The following FBN2 variants were observed in gnomAD, a reference collection of about 807,000 sequenced individuals.
FBN2 encodes fibrillin 2.
In FBN2, 105 loss-of-function variants were observed where a neutral mutation model predicts 355.6. The ratio of observed to expected loss-of-function variants is 0.30; its 90% CI spans 0.25 to 0.35. The LOEUF is 0.35. FBN2 is among the 10% of genes least tolerant of loss of function. The probability of loss-of-function intolerance (pLI) is 1.00; values close to 1 mark genes in which losing one functional copy is unlikely to be tolerated. For missense variants in FBN2, 3,280 were observed against 3,758.7 expected (o/e 0.87, Z 3.33); for synonymous variants, 1,350 against 1,301.2 (o/e 1.04, Z -0.81).
chr5:128,296,981 G>C (rs1287991649), intron 48 of FBN2, among the ~76,000 whole-genome samples: 1 of 152,136 alleles, frequency 6.6e-6, no homozygotes. Flanking sequence ...ATTTAGTGCT[G>C]TAAATTTCCC....
At chr5:128,272,251 T>G (rs1765286316) in intron 61 of FBN2, 133 bp from the exon 62 acceptor site, 1 of 1,027,686 alleles carries the variant, frequency 9.7e-7, no homozygotes, top group Non-Finnish European at 1.5e-6. Context: ...ATAGAGAGGC[T>G]GTCATTTTTC....
At chr5:128,369,137 A>T (rs1561422024) in intron 16 of FBN2, 45 bp downstream of exon 16, 1 of 1,600,692 alleles carries the variant, frequency 6.2e-7, no homozygotes, top group Admixed American at 1.7e-5. Flanking sequence ...CTAAGGTTGT[A>T]TTTCTTGATT....
intron 7 of FBN2, among the ~76,000 whole-genome samples, chr5:128,445,299 T>C (rs530812177): frequency 2.0e-5 from 3 of 152,262 alleles, no homozygotes; most frequent in African/African-American, 7.2e-5. Flanking sequence ...ATAAAATGTA[T>C]ATAACTATAA....
Position 128,527,910 on chromosome 5 carries a change from T to C in FBN2, c.494A>G (p.Gln165Arg), listed in dbSNP as rs975087237. The change falls in exon 4 of 65, where the codon CAG becomes CGG. Residue 165 changes from glutamine to arginine, a missense_variant. By Grantham distance (43) the Gln-to-Arg change is conservative. Coordinates refer to ENST00000262464, the MANE Select transcript of FBN2 (RefSeq NM_001999.4). ...AGTTCCAATATATCCTTTCTGGCAC[T>C]GGCAGTGGTCATCTGCACAGGTCCC... ...NGGTCADDHCQCQKGYIGTYC... is the reference protein window; with the variant it reads ...NGGTCADDHCRCQKGYIGTYC... 1.2e-6 allele frequency: 2 copies of C among 1,612,594 alleles called. No homozygotes were observed. The highest frequency in any genetic ancestry group is 1.7e-6 in the Non-Finnish European group (2 of 1,178,900).
At chr5:128,351,118 C>G in intron 20 of FBN2, 113 bp from the exon 21 acceptor site, 14 of 1,280,820 alleles carry the variant, frequency 1.1e-5, no homozygotes, top group Non-Finnish European at 1.2e-5. Flanking sequence ...ATTACTGGCT[C>G]ACGCCTGTAA....
chr5:128,293,979 C>T (rs1450770437), intron 48 of FBN2, among the ~76,000 whole-genome samples: 1 of 151,252 alleles, frequency 6.6e-6, no homozygotes, highest in Non-Finnish European at 1.5e-5. Flanking sequence ...CAATGCTATC[C>T]CTCCCTCCTC....
At chr5:128,456,022 A>AAAAAAT (rs1362762303) in intron 6 of FBN2, among the ~76,000 whole-genome samples, 1 of 147,946 alleles carries the variant, frequency 6.8e-6, no homozygotes, top group African/African-American at 2.5e-5. Flanking sequence ...AAAAAAAAAA[A>AAAAAAT]AGCAACTGCT....
At chr5:128,316,413 T>C (rs909517420) in intron 36 of FBN2, among the ~76,000 whole-genome samples, 3 of 152,234 alleles carry the variant, frequency 2.0e-5, no homozygotes, top group South Asian at 2.1e-4. Flanking sequence ...AAGGTTCCAA[T>C]AGATTCCTAT....
intron 8 of FBN2, among the ~76,000 whole-genome samples, chr5:128,399,570 A>G (rs1228234542): frequency 6.6e-6 from 1 of 152,196 alleles, no homozygotes; most frequent in Non-Finnish European, 1.5e-5. Flanking sequence ...AGAAATGATG[A>G]GCAAAAAATA....
At chr5:128,487,577 C>G (rs993758864) in intron 5 of FBN2, among the ~76,000 whole-genome samples, 2 of 152,078 alleles carry the variant, frequency 1.3e-5, no homozygotes, top group Admixed American at 6.6e-5. Context: ...ACCGTAAGTA[C>G]ATATAGAAAG....
chr5:128,441,247 C>T (rs1753911366), intron 7 of FBN2, among the ~76,000 whole-genome samples: 1 of 152,134 alleles, frequency 6.6e-6, no homozygotes, highest in South Asian at 2.1e-4. Context: ...CAGGGTACTA[C>T]CACAAAATGC....
intron 5 of FBN2, among the ~76,000 whole-genome samples, chr5:128,479,994 A>C (rs1301892240): frequency 0.071 from 2,772 of 39,154 alleles, 24 homozygotes; most frequent in Non-Finnish European, 0.084. Context: ...ATATATATAT[A>C]TATATATATA....
intron 38 of FBN2, 25 bp from the exon 39 acceptor site, chr5:128,311,450 TAAAAC>T (rs991597691): frequency 1.9e-6 from 3 of 1,612,180 alleles, no homozygotes; most frequent in African/African-American, 2.7e-5. Context: ...ACAGTGCACT[TAAAAC>T]AAACACCTTC....
intron 36 of FBN2, among the ~76,000 whole-genome samples, chr5:128,317,623 T>C (rs1561767523): frequency 6.6e-6 from 1 of 152,098 alleles, no homozygotes; most frequent in Non-Finnish European, 1.5e-5. Context: ...TAGTAAAAGC[T>C]GGACAATTGT....
At chr5:128,327,867 A>G (rs1750597504) in intron 34 of FBN2, among the ~76,000 whole-genome samples, 2 of 152,222 alleles carry the variant, frequency 1.3e-5, no homozygotes, top group South Asian at 4.1e-4. Flanking sequence ...TGAACTCCCA[A>G]CCTCAGGTGA....
intron 19 of FBN2, among the ~76,000 whole-genome samples, chr5:128,358,221 G>T (rs1751552922): frequency 6.6e-6 from 1 of 151,742 alleles, no homozygotes; most frequent in African/African-American, 2.4e-5. Context: ...ACAAGCTTCA[G>T]GTAAAGTACT....
intron 8 of FBN2, among the ~76,000 whole-genome samples, chr5:128,399,440 G>C (rs1752738201): frequency 6.6e-6 from 1 of 152,086 alleles, no homozygotes; most frequent in Admixed American, 6.5e-5. Context: ...GCAAATTAAG[G>C]TAATTTTCAA....
chr5:128,287,164 G>T, intron 54 of FBN2, 144 bp downstream of exon 54: 1 of 1,006,456 alleles, frequency 9.9e-7, no homozygotes, highest in Non-Finnish European at 1.5e-6. Flanking sequence ...TGTTATCTAG[G>T]TATGGAAATC....
chr5:128,492,657 G>A (rs1438972393), intron 5 of FBN2, among the ~76,000 whole-genome samples: 1 of 152,010 alleles, frequency 6.6e-6, no homozygotes, highest in African/African-American at 2.4e-5. Flanking sequence ...ACAAAAATTA[G>A]CTGGGTGTGG....
Sources: gnomAD v4.1 joint callset for allele counts (sites outside exome capture counted in the v4.1 genomes callset) on GRCh38, gnomAD v4.1.1 for gene constraint, MANE v1.5 for transcripts, NCBI Gene and HGNC (gene_info 2026-07-23, HGNC 2026-07-21) for gene names.